The following KCNH5 variants were observed in gnomAD, a reference collection of about 807,000 sequenced individuals.
KCNH5 encodes the protein potassium voltage-gated channel subfamily H member 5, also known as voltage-gated delayed rectifier potassium channel KCNH5.
A neutral mutation model predicts 96.1 loss-of-function variants in KCNH5; 46 were observed. The observed-to-expected ratio is 0.48, with a 90% confidence interval of 0.38 to 0.61. The LOEUF (loss-of-function observed/expected upper bound fraction) is 0.61. KCNH5 is among the 20% of genes least tolerant of loss of function. The pLI is 0.00. For missense variants in KCNH5, 907 were observed against 1,225.8 expected, an observed-to-expected ratio of 0.74 and a Z score of 3.88; for synonymous variants, 439 against 449.8, an observed-to-expected ratio of 0.98 and a Z score of 0.30.
intron 7 of KCNH5, among the ~76,000 whole-genome samples, chr14:62,918,003 G>T (rs937590757): frequency 6.6e-6 from 1 of 152,072 alleles, no homozygotes; most frequent in Admixed American, 6.6e-5. Flanking sequence ...CTGTCTAAAG[G>T]ATCCTGGTAT....
At chr14:62,881,248 A>G (rs1888485707) in intron 7 of KCNH5, among the ~76,000 whole-genome samples, 2 of 152,230 alleles carry the variant, frequency 1.3e-5, no homozygotes, top group Admixed American at 6.5e-5. Flanking sequence ...GTACATAAAC[A>G]GAAACTATAT....
intron 7 of KCNH5, among the ~76,000 whole-genome samples, chr14:62,896,567 G>A (rs993074579): frequency 2.6e-5 from 4 of 152,122 alleles, no homozygotes; most frequent in Admixed American, 1.3e-4. Flanking sequence ...GTAGATTCAC[G>A]GTTCAGTTTT....
chr14:62,700,648 T>G lies in KCNH5; in HGVS notation c.*6860A>C, dbSNP rs879563187. 1 of 152,202 alleles carries G rather than the reference T, an allele frequency of 6.6e-6. No homozygotes were observed. Among genetic ancestry groups the G allele is most frequent in the Non-Finnish European group, 1.5e-5 (1 of 68,022 alleles). 9.4% of individuals were successfully genotyped at this position (152,202 alleles called of 1,614,324 possible). ...ATGGCTGTGACATAATATACCAATA[T>G]TAAATACTTAGGACTATCAAACACT... On this transcript the variant is annotated 3_prime_UTR_variant, in exon 11 of 11. Transcript: ENST00000322893.
intron 8 of KCNH5, among the ~76,000 whole-genome samples, chr14:62,836,785 A>T (rs531504711): frequency 6.6e-6 from 1 of 152,188 alleles, no homozygotes; most frequent in Admixed American, 6.6e-5. Context: ...TGTAAGTTTC[A>T]TGAGGGCAAG....
At chr14:63,026,406 T>C (rs1255588255) in intron 1 of KCNH5, among the ~76,000 whole-genome samples, 1 of 151,862 alleles carries the variant, frequency 6.6e-6, no homozygotes, top group Non-Finnish European at 1.5e-5. Context: ...AAGGAAACAA[T>C]CAACAGAGTG....
intron 1 of KCNH5, among the ~76,000 whole-genome samples, chr14:63,032,843 A>G (rs545027496): frequency 6.6e-6 from 1 of 152,310 alleles, no homozygotes; most frequent in East Asian, 1.9e-4. Context: ...GAGCTAGATG[A>G]CAGCGATGAT....
At chr14:62,775,887 C>G (rs574332423) in intron 10 of KCNH5, among the ~76,000 whole-genome samples, 420 of 152,198 alleles carry the variant, frequency 2.8e-3, no homozygotes, top group Non-Finnish European at 4.7e-3. Context: ...TAAGTTTTAC[C>G]CCCTCAAAAT....
chr14:62,722,678 C>T (rs1185914562), intron 10 of KCNH5, among the ~76,000 whole-genome samples: 1 of 152,174 alleles, frequency 6.6e-6, no homozygotes, highest in African/African-American at 2.4e-5. Context: ...TACTGGGACT[C>T]TTCGGTATGT....
intron 1 of KCNH5, among the ~76,000 whole-genome samples, chr14:63,039,171 T>C (rs903037361): frequency 6.6e-6 from 1 of 152,132 alleles, no homozygotes; most frequent in African/African-American, 2.4e-5. Context: ...TCTTGCTATA[T>C]GGTTTCTAAC....
At chr14:62,753,366 G>T (rs117068034) in intron 10 of KCNH5, among the ~76,000 whole-genome samples, 1 of 151,908 alleles carries the variant, frequency 6.6e-6, no homozygotes, top group Non-Finnish European at 1.5e-5. Context: ...GCCTCAAAAC[G>T]GCAAATCTAA....
At chr14:62,856,456 C>T (rs1036954632) in intron 7 of KCNH5, among the ~76,000 whole-genome samples, 3 of 152,176 alleles carry the variant, frequency 2.0e-5, no homozygotes, top group Non-Finnish European at 4.4e-5. Flanking sequence ...CGCTTAAGGC[C>T]TCATAGGTGA....
intron 10 of KCNH5, among the ~76,000 whole-genome samples, chr14:62,708,722 CAA>C (rs1251712668): frequency 1.3e-5 from 2 of 152,104 alleles, no homozygotes; most frequent in African/African-American, 4.8e-5. Context: ...GAGAATTACT[CAA>C]GAGACAACTG....
At chr14:62,869,464 T>C (rs1172064235) in intron 7 of KCNH5, among the ~76,000 whole-genome samples, 1 of 152,172 alleles carries the variant, frequency 6.6e-6, no homozygotes, top group Non-Finnish European at 1.5e-5. Flanking sequence ...TGCAAAAATT[T>C]TCTCCCATTC....
chr14:62,871,144 A>G (rs1289252308), intron 7 of KCNH5, among the ~76,000 whole-genome samples: 1 of 152,194 alleles, frequency 6.6e-6, no homozygotes, highest in Non-Finnish European at 1.5e-5. Flanking sequence ...CTTATTGGGT[A>G]TTATTCAATA....
At chr14:63,007,119 CTAAA>C (rs1432627757) in intron 2 of KCNH5, among the ~76,000 whole-genome samples, 2 of 152,074 alleles carry the variant, frequency 1.3e-5, no homozygotes, top group African/African-American at 4.8e-5. Context: ...TTGGGAGACT[CTAAA>C]TATGCATCCA....
intron 7 of KCNH5, among the ~76,000 whole-genome samples, chr14:62,945,444 G>A (rs772516302): frequency 6.6e-6 from 1 of 152,132 alleles, no homozygotes; most frequent in Non-Finnish European, 1.5e-5. Flanking sequence ...TCTTCATCAC[G>A]ACCATCAGGG....
chr14:62,712,593 T>G (rs900666928), intron 10 of KCNH5: 3 of 726,938 alleles, frequency 4.1e-6, no homozygotes, highest in Non-Finnish European at 7.7e-6. Context: ...TCAAGGTAAC[T>G]TTTATACTTT....
chr14:62,905,731 G>A (rs937117323), intron 7 of KCNH5, among the ~76,000 whole-genome samples: 4 of 152,200 alleles, frequency 2.6e-5, no homozygotes, highest in Admixed American at 2.6e-4. Context: ...AGCCTTCCAG[G>A]GTGAGCCAAC....
intron 7 of KCNH5, among the ~76,000 whole-genome samples, chr14:62,868,510 G>A (rs1304062281): frequency 6.6e-6 from 1 of 151,930 alleles, no homozygotes; most frequent in East Asian, 1.9e-4. Flanking sequence ...TGATCATTCT[G>A]TTTCTGAGCA....
Sources: allele counts gnomAD v4.1 joint callset (sites outside exome capture counted in the v4.1 genomes callset), GRCh38; gene constraint gnomAD v4.1.1; transcripts MANE v1.5; gene names NCBI Gene and HGNC (gene_info 2026-07-23, HGNC 2026-07-21).